NRG3: variants seen among roughly 807,000 people sequenced by gnomAD.
NRG3 encodes pro-neuregulin-3, membrane-bound isoform.
Under a neutral mutation model 66.9 loss-of-function variants are expected in NRG3, and 31 were observed. The ratio of observed to expected loss-of-function variants is 0.46; its 90% CI spans 0.35 to 0.63. NRG3 has a LOEUF of 0.63. NRG3 is among the 20% of genes least tolerant of loss of function. The pLI is 0.00. For synonymous variants in NRG3, 393 were observed against 359.4 expected, an observed-to-expected ratio of 1.09 and a Z score of -1.06; for missense variants, 910 against 878.9, an observed-to-expected ratio of 1.04 and a Z score of -0.45.
intron 1 of NRG3, among the ~76,000 whole-genome samples, chr10:82,261,326 C>A (rs925872741): frequency 6.6e-6 from 1 of 152,166 alleles, no homozygotes; most frequent in African/African-American, 2.4e-5. Context: ...GTGCCTGCTT[C>A]CCCTTCTGCC....
chr10:82,643,495 A>G (rs1211257508), intron 2 of NRG3, among the ~76,000 whole-genome samples: 2 of 152,088 alleles, frequency 1.3e-5, no homozygotes, highest in African/African-American at 4.8e-5. Flanking sequence ...CAGCAGTGTG[A>G]AAACTGACTG....
chr10:82,834,346 T>C (rs988654432), intron 3 of NRG3, among the ~76,000 whole-genome samples: 7 of 152,180 alleles, frequency 4.6e-5, no homozygotes, highest in Non-Finnish European at 1.0e-4. Context: ...CTCCTGAGAC[T>C]AATACCGAGT....
At chr10:82,305,088 G>C (rs111526943) in intron 1 of NRG3, among the ~76,000 whole-genome samples, 1 of 145,156 alleles carries the variant, frequency 6.9e-6, no homozygotes, top group East Asian at 2.1e-4. Flanking sequence ...TCCGCCTCCT[G>C]GGTTCACGCC....
chr10:82,738,491 A>T, intron 2 of NRG3, 86 bp from the exon 3 acceptor site: 1 of 1,030,812 alleles, frequency 9.7e-7, no homozygotes, highest in Non-Finnish European at 1.5e-6. Context: ...TCTCACATTT[A>T]TGTAATTGAT....
At chr10:82,670,986 A>G (rs748981799) in intron 2 of NRG3, among the ~76,000 whole-genome samples, 13 of 152,156 alleles carry the variant, frequency 8.5e-5, no homozygotes, top group Non-Finnish European at 1.6e-4. Context: ...CATTCTCTGC[A>G]CAGTAAGTCC....
chr10:82,919,682 C>A lies in NRG3; in HGVS notation c.1055-31787C>A, dbSNP rs117278063. ...GGAAAGGAAAGTCATCAATGCATTT[C>A]TTGGCTAACACAAATGTAGATCAGA... On this transcript the variant is annotated intron_variant, in intron 4 of 8. Coordinates refer to ENST00000372141, the MANE Select transcript of NRG3 (RefSeq NM_001010848.4). 1.0e-3 allele frequency among the ~76,000 whole-genome samples: 158 copies of A among 152,296 alleles called. 3 individuals carry two copies. The East Asian group carries it at 0.026, about 25-fold the overall frequency.
chr10:82,238,913 T>C (rs2076876077), intron 1 of NRG3, among the ~76,000 whole-genome samples: 1 of 138,456 alleles, frequency 7.2e-6, no homozygotes, highest in Admixed American at 7.0e-5. Context: ...GGTTATACCG[T>C]ATATATATAT....
chr10:82,934,501 T>C (rs948385964), intron 4 of NRG3, among the ~76,000 whole-genome samples: 6 of 152,230 alleles, frequency 3.9e-5, no homozygotes, highest in Non-Finnish European at 7.3e-5. Context: ...CTATTGCTTC[T>C]GCCTCTCTTG....
chr10:82,966,328 A>G (rs1851205661), intron 6 of NRG3, among the ~76,000 whole-genome samples: 1 of 152,062 alleles, frequency 6.6e-6, no homozygotes, highest in African/African-American at 2.4e-5. Context: ...TTTTATGATG[A>G]CCATGACAGT....
chr10:82,943,225 C>T (rs1219180055), intron 4 of NRG3, among the ~76,000 whole-genome samples: 1 of 152,122 alleles, frequency 6.6e-6, no homozygotes, highest in African/African-American at 2.4e-5. Context: ...GTGTTTAATC[C>T]CTAAACATGC....
intron 3 of NRG3, among the ~76,000 whole-genome samples, chr10:82,800,296 G>A (rs572869762): frequency 8.5e-5 from 13 of 152,238 alleles, no homozygotes; most frequent in Admixed American, 4.6e-4. Context: ...CTTACATTTG[G>A]TTAGGATATT....
intron 2 of NRG3, among the ~76,000 whole-genome samples, chr10:82,421,414 GAA>G (rs947125601): frequency 1.6e-4 from 25 of 151,898 alleles, no homozygotes; most frequent in Non-Finnish European, 3.2e-4. Context: ...AGGGAATAGA[GAA>G]AAAGTCTATG....
At chr10:82,430,876 C>T (rs1204404378) in intron 2 of NRG3, among the ~76,000 whole-genome samples, 1 of 152,142 alleles carries the variant, frequency 6.6e-6, no homozygotes, top group African/African-American at 2.4e-5. Flanking sequence ...CAATCTTTGG[C>T]TGTTTACAAC....
intron 1 of NRG3, among the ~76,000 whole-genome samples, chr10:82,227,227 T>G (rs989041043): frequency 1.3e-5 from 2 of 152,156 alleles, no homozygotes; most frequent in Non-Finnish European, 2.9e-5. Context: ...CTGCTGCTTT[T>G]TCCTCTTTCC....
chr10:82,188,713 C>T (rs1051225910), intron 1 of NRG3, among the ~76,000 whole-genome samples: 2 of 152,066 alleles, frequency 1.3e-5, no homozygotes, highest in Non-Finnish European at 2.9e-5. Context: ...TGCTCAACAT[C>T]ATTGATCATC....
chr10:82,353,623 T>C, intron 1 of NRG3, among the ~76,000 whole-genome samples: 1 of 152,170 alleles, frequency 6.6e-6, no homozygotes, highest in South Asian at 2.1e-4. Context: ...TTAAACTACA[T>C]GTAACAAGTG....
At chr10:82,255,215 A>G (rs944706351) in intron 1 of NRG3, among the ~76,000 whole-genome samples, 1 of 152,192 alleles carries the variant, frequency 6.6e-6, no homozygotes, top group African/African-American at 2.4e-5. Context: ...ATCATGGGCC[A>G]TCCTATAAAA....
chr10:82,816,759 G>A (rs1673199825), intron 3 of NRG3, among the ~76,000 whole-genome samples: 1 of 152,168 alleles, frequency 6.6e-6, no homozygotes, highest in Non-Finnish European at 1.5e-5. Context: ...TCAGAAGGAG[G>A]TGGGGCTCCC....
chr10:82,940,357 T>A (rs1343543835), intron 4 of NRG3, among the ~76,000 whole-genome samples: 2 of 152,194 alleles, frequency 1.3e-5, no homozygotes, highest in African/African-American at 4.8e-5. Context: ...TAATTGGCTG[T>A]CACTCTTTGA....
Sources: allele counts gnomAD v4.1 joint callset (sites outside exome capture counted in the v4.1 genomes callset), GRCh38; gene constraint gnomAD v4.1.1; transcripts MANE v1.5; gene names NCBI Gene and HGNC (gene_info 2026-07-23, HGNC 2026-07-21).